Variants in ACTBL2 observed in about 807,000 individuals in gnomAD.
ACTBL2 encodes the protein beta-actin-like protein 2.
ACTBL2 carries 29 observed loss-of-function variants against 23.2 expected under a neutral mutation model. The observed-to-expected ratio is 1.25, with a 90% confidence interval of 0.93 to 1.71. The LOEUF is 1.71. ACTBL2 is among the 40% of genes most tolerant of loss of function. ACTBL2 has a pLI of 0.00. For missense variants in ACTBL2, 524 were observed against 486.2 expected, an observed-to-expected ratio of 1.08 and a Z score of -0.73; for synonymous variants, 173 against 182.1, an observed-to-expected ratio of 0.95 and a Z score of 0.40.
chr5:57,482,215 G>A lies in ACTBL2; in HGVS notation c.493C>T (p.Pro165Ser), dbSNP rs1333661733. The A allele has an allele frequency of 1.2e-5, 20 of 1,614,026 alleles. No individual in the cohort carries two copies. The highest frequency in any genetic ancestry group is 1.6e-5 in the Non-Finnish European group (19 of 1,180,042). The change falls in exon 1 of 1, where the codon CCC becomes TCC. Residue 165 changes from proline (P) to serine (S), a missense_variant. Coordinates refer to ENST00000423391, the MANE Select transcript of ACTBL2 (RefSeq NM_001017992.4). ...GGCAGGGCATAACCTTCATAGATGG[G>A]CACGATGTGAGTGACCCCATCCCCA... ...DSGDGVTHIVPIYEGYALPHA... is the reference protein window; with the variant it reads ...DSGDGVTHIVSIYEGYALPHA...
In ACTBL2 at chr5:57,482,031, T is replaced by C; in HGVS notation, c.677A>G (p.Gln226Arg). ...GGATGCGGCTGCCCTGACCATCTCC[T>C]GCTCAAAGTCCAGGGCTACGTAGCA... Reference protein sequence around the residue: ...KLCYVALDFEQEMVRAAASSS... With the variant: ...KLCYVALDFEREMVRAAASSS... The change falls in exon 1 of 1, where the codon CAG becomes CGG. Residue 226 changes from glutamine to arginine, a missense_variant. Coordinates refer to ENST00000423391, the MANE Select transcript of ACTBL2 (RefSeq NM_001017992.4). The C allele has an allele frequency of 6.2e-7, 1 of 1,614,004 alleles. No individual in the cohort carries two copies. The highest frequency in any genetic ancestry group is 1.3e-5 in the African/African-American group (1 of 75,002).
At position 57,481,996 on chromosome 5, in the gene ACTBL2, C is replaced by G. The variant is rs1250211202; in HGVS notation, c.712G>C (p.Glu238Gln). 1 of 1,613,996 alleles carries G rather than the reference C, an allele frequency of 6.2e-7. No individual in the cohort carries two copies. The highest frequency in any genetic ancestry group is 1.3e-5 in the African/African-American group (1 of 74,918). The change falls in exon 1 of 1, where the codon GAA becomes CAA. Residue 238 changes from glutamate to glutamine, a missense_variant. Glu to Gln is a conservative substitution (Grantham distance 29). Transcript: ENST00000423391. The part of the protein sequence containing the change: ...MVRAAASSSP[E>Q]RSYELPDGQV... Reference sequence around the variant, plus strand: ...CCATCAGGAAGTTCATAGCTCCGTTCCGGTGAGGAGGATGCGGCTGCCCTG... The same window carrying G: ...CCATCAGGAAGTTCATAGCTCCGTTGCGGTGAGGAGGATGCGGCTGCCCTG...
In ACTBL2 at chr5:57,482,607, G is replaced by A. The variant is rs780737373; in HGVS notation, c.101C>T (p.Ser34Phe). Reference sequence around the variant, plus strand: ...CTGGTGTCGAGGACGCCCTATCATGGAGGGGAACACAGCCCGGGGGGCATC... The same window carrying A: ...CTGGTGTCGAGGACGCCCTATCATGAAGGGGAACACAGCCCGGGGGGCATC... ...GDDAPRAVFP[S>F]MIGRPRHQGV... The change falls in exon 1 of 1, where the codon TCC (serine) becomes TTC (phenylalanine). Residue 34 changes from serine (S) to phenylalanine (F), a missense_variant. Transcript: ENST00000423391. The A allele has an allele frequency of 3.7e-6, 6 of 1,614,084 alleles. No individual in the cohort carries two copies. Among genetic ancestry groups the A allele is most frequent in the East Asian group, 2.2e-5 (1 of 44,854 alleles).
In ACTBL2 at chr5:57,481,991, C is replaced by T; in HGVS notation, c.717G>A (p.Arg239=). Residue 239 remains arginine, a synonymous_variant, in exon 1 of 1, where the codon CGG becomes CGA. Coordinates refer to ENST00000423391, the MANE Select transcript of ACTBL2 (RefSeq NM_001017992.4). ...CCTGCCCATCAGGAAGTTCATAGCT[C>T]CGTTCCGGTGAGGAGGATGCGGCTG... ...VRAAASSSPE[R]SYELPDGQVI... 1.2e-6 allele frequency: 2 copies of T among 1,614,136 alleles called. No individual in the cohort carries two copies. The highest frequency in any genetic ancestry group is 1.7e-6 in the Non-Finnish European group (2 of 1,180,036).
In ACTBL2 at chr5:57,480,509, T is replaced by A. The variant is rs535307691; in HGVS notation, c.*1068A>T. On this transcript the variant is annotated 3_prime_UTR_variant, in exon 1 of 1. Transcript: ENST00000423391. ...GTATCTCAGAGACACTTTGCATAAA[T>A]AAGTATTGCTAGTTACTGGACATAA... The A allele has an allele frequency of 1.3e-5, 2 of 152,260 alleles. No homozygotes were observed. The highest frequency in any genetic ancestry group is 2.9e-5 in the Non-Finnish European group (2 of 67,950). 9.4% of individuals were successfully genotyped at this position (152,260 alleles called of 1,614,324 possible).
In ACTBL2 at chr5:57,482,011, C is replaced by A. The variant is rs762367137; in HGVS notation, c.697G>T (p.Ala233Ser). The change falls in exon 1 of 1, where the codon GCA (alanine) becomes TCA (serine). Residue 233 changes from alanine to serine, a missense_variant. Coordinates refer to ENST00000423391, the MANE Select transcript of ACTBL2 (RefSeq NM_001017992.4). The stretch of plus-strand genomic sequence containing the variant: ...TAGCTCCGTTCCGGTGAGGAGGATG[C>A]GGCTGCCCTGACCATCTCCTGCTCA... Reference protein sequence around the residue: ...DFEQEMVRAAASSSPERSYEL... With the variant: ...DFEQEMVRAASSSSPERSYEL... 11 of 1,613,750 alleles carry A rather than the reference C, an allele frequency of 6.8e-6. No individual in the cohort carries two copies. The highest frequency in any genetic ancestry group is 2.2e-5 in the South Asian group (2 of 91,024).
In ACTBL2 at chr5:57,481,545, G is replaced by C; in HGVS notation, c.*32C>G. The C allele has an allele frequency of 6.3e-7, 1 of 1,590,680 alleles. No homozygotes were observed. Among genetic ancestry groups the C allele is most frequent in the South Asian group, 1.1e-5 (1 of 87,806 alleles). ...ACCATCACTGTGACCTAGGAAAAGGGAAAATGTAAGCCCACTAATATGGAA... is the reference window on the plus strand; with the variant it reads ...ACCATCACTGTGACCTAGGAAAAGGCAAAATGTAAGCCCACTAATATGGAA... On this transcript the variant is annotated 3_prime_UTR_variant, in exon 1 of 1. Transcript: ENST00000423391.
At position 57,482,163 on chromosome 5, in the gene ACTBL2, G is replaced by C. The variant is rs184810267; in HGVS notation, c.545C>G (p.Ala182Gly). Residue 182 changes from alanine to glycine, a missense_variant, in exon 1 of 1, where the codon GCA becomes GGA. Physicochemically the swap from Ala to Gly is moderately conservative, Grantham distance 60 (BLOSUM62 0). Coordinates refer to ENST00000423391, the MANE Select transcript of ACTBL2 (RefSeq NM_001017992.4). ...GAGGTAATCAGTCAGGTCTCTCCCT[G>C]CCAGATCCAGGCGTAGAATGGCATG... ...LPHAILRLDL[A>G]GRDLTDYLMK... 2 of 1,614,084 alleles carry C rather than the reference G, an allele frequency of 1.2e-6. No homozygotes were observed. Among genetic ancestry groups the C allele is most frequent in the South Asian group, 2.2e-5 (2 of 91,038 alleles).
Position 57,481,425 on chromosome 5 carries a change from G to A in ACTBL2, c.*152C>T. 1 of 902,604 alleles carries A rather than the reference G, an allele frequency of 1.1e-6. No homozygotes were observed. Among genetic ancestry groups the A allele is most frequent in the Non-Finnish European group, 1.7e-6 (1 of 604,414 alleles). 55.9% of individuals were successfully genotyped at this position (902,604 alleles called of 1,614,324 possible). Reference sequence around the variant, plus strand: ...ACCGGATGTGGTTATCTGGGTAAGAGCCCAGGTTACTTGGATGGAGAGATG... The same window carrying A: ...ACCGGATGTGGTTATCTGGGTAAGAACCCAGGTTACTTGGATGGAGAGATG... On this transcript the variant is annotated 3_prime_UTR_variant, in exon 1 of 1. Transcript: ENST00000423391.
At position 57,482,369 on chromosome 5, in the gene ACTBL2, G is replaced by T; in HGVS notation, c.339C>A (p.Pro113=). 1 of 1,614,016 alleles carries T rather than the reference G, an allele frequency of 6.2e-7. No individual in the cohort carries two copies. Among genetic ancestry groups the T allele is most frequent in the African/African-American group, 1.3e-5 (1 of 75,010 alleles). Residue 113 remains proline, a synonymous_variant, in exon 1 of 1, where the codon CCC becomes CCA. Transcript: ENST00000423391. ...PILLTEAPLN[P]KINREKMTQI... Reference sequence around the variant, plus strand: ...GAGTCATCTTTTCCCGGTTGATCTTGGGGTTCAGGGGTGCCTCGGTGAGGA... The same window carrying T: ...GAGTCATCTTTTCCCGGTTGATCTTTGGGTTCAGGGGTGCCTCGGTGAGGA...
In ACTBL2 at chr5:57,481,562, A is replaced by T. The variant is rs933045923; in HGVS notation, c.*15T>A. 3.1e-6 allele frequency: 5 copies of T among 1,605,228 alleles called. No individual in the cohort carries two copies. The African/African-American group carries it at 4.0e-5, about 13-fold the overall frequency. ...GGAAAAGGGAAAATGTAAGCCCACT[A>T]ATATGGAAGCCCATTCAGAAACATT... On this transcript the variant is annotated 3_prime_UTR_variant, in exon 1 of 1. Transcript: ENST00000423391.
Position 57,481,743 on chromosome 5 carries a change from G to T in ACTBL2, c.965C>A (p.Ala322Glu), listed in dbSNP as rs1244799149. The change falls in exon 1 of 1, where the codon GCA becomes GAA. Residue 322 changes from alanine to glutamate, a missense_variant. Ala to Glu is a moderately radical substitution (Grantham distance 107). Transcript: ENST00000423391. Reference protein sequence around the residue: ...DRMQKEIITLAPSTMKIKIIA... With the variant: ...DRMQKEIITLEPSTMKIKIIA... ...GATCTTGATTTTCATGGTGCTGGGT[G>T]CCAGGGTTATGATTTCTTTCTGCAT... is the stretch of plus-strand genomic sequence containing the variant. 1 of 1,613,884 alleles carries T rather than the reference G, an allele frequency of 6.2e-7. No homozygotes were observed. Among genetic ancestry groups the T allele is most frequent in the East Asian group, 2.2e-5 (1 of 44,876 alleles).
rs183478178 is a variant in ACTBL2 at position 57,481,945 on chromosome 5, G to T, written c.763C>A (p.Arg255Ser). 8 of 1,614,082 alleles carry T rather than the reference G, an allele frequency of 5.0e-6. No individual in the cohort carries two copies. Among genetic ancestry groups the T allele is most frequent in the Non-Finnish European group, 5.9e-6 (7 of 1,180,000 alleles). Reference protein sequence around the residue: ...DGQVITIGNERFRCPEAIFQP... With the variant: ...DGQVITIGNESFRCPEAIFQP... ...AAAATGGCTTCAGGGCATCGGAAGC[G>T]TTCATTCCCAATGGTGATCACCTGC... The change falls in exon 1 of 1, where the codon CGC becomes AGC. Residue 255 changes from arginine to serine, a missense_variant. Coordinates refer to ENST00000423391, the MANE Select transcript of ACTBL2 (RefSeq NM_001017992.4).
In ACTBL2 at chr5:57,481,821, G is replaced by A. The variant is rs1391883651; in HGVS notation, c.887C>T (p.Ala296Val). Residue 296 changes from alanine to valine, a missense_variant, in exon 1 of 1, where the codon GCC becomes GTC. Transcript: ENST00000423391. The part of the protein sequence containing the change: ...CDVDIRKDLY[A>V]NTVLSGGSTM... Reference sequence around the variant, plus strand: ...GCTCCCTCCAGATAACACGGTGTTGGCATAGAGATCCTTGCGAATATCCAC... The same window carrying A: ...GCTCCCTCCAGATAACACGGTGTTGACATAGAGATCCTTGCGAATATCCAC... The A allele has an allele frequency of 1.2e-5, 19 of 1,613,932 alleles. No individual in the cohort carries two copies. Among genetic ancestry groups the A allele is most frequent in the South Asian group, 5.5e-5 (5 of 91,042 alleles).
At position 57,480,824 on chromosome 5, in the gene ACTBL2, G is replaced by A. The variant is rs1745139509; in HGVS notation, c.*753C>T. The A allele has an allele frequency of 1.3e-5, 2 of 152,076 alleles. No homozygotes were observed. The highest frequency in any genetic ancestry group is 2.9e-5 in the Non-Finnish European group (2 of 67,984). The allele number at this position is 152,076 out of a possible 1,614,324, so 9.4% of individuals were successfully genotyped here. On this transcript the variant is annotated 3_prime_UTR_variant, in exon 1 of 1. Coordinates refer to ENST00000423391, the MANE Select transcript of ACTBL2 (RefSeq NM_001017992.4). Reference sequence around the variant, plus strand: ...ATTGTCTGTAGTTTTGGTATGAGAAGGTTCAGTAAGAAAGATATTAAAATA... The same window carrying A: ...ATTGTCTGTAGTTTTGGTATGAGAAAGTTCAGTAAGAAAGATATTAAAATA...
Position 57,482,307 on chromosome 5 carries a change from T to C in ACTBL2, c.401A>G (p.Tyr134Cys). The change falls in exon 1 of 1, where the codon TAT (tyrosine) becomes TGT (cysteine). Residue 134 changes from tyrosine to cysteine, a missense_variant. Tyr to Cys is a radical substitution (Grantham distance 194). Transcript: ENST00000423391. ...GGACAGCACAGCCTGGATGGCGACA[T>C]ACATGGCTGGTGTGTTGAAAGCCTC... ...MFEAFNTPAMYVAIQAVLSLY... is the reference protein window; with the variant it reads ...MFEAFNTPAMCVAIQAVLSLY... 6.2e-7 allele frequency: 1 copy of C among 1,614,040 alleles called. No individual in the cohort carries two copies. The highest frequency in any genetic ancestry group is 8.5e-7 in the Non-Finnish European group (1 of 1,180,010).
rs149395843 is a variant in ACTBL2 at position 57,482,118 on chromosome 5, C to T, written c.590G>A (p.Arg197Gln). The stretch of plus-strand genomic sequence containing the variant: ...AGCAGTGGTGGTGAAGTTATAGCCT[C>T]GCTCTGTCAGGATCTTCATGAGGTA... The part of the protein sequence containing the change: ...TDYLMKILTE[R>Q]GYNFTTTAER... The change falls in exon 1 of 1, where the codon CGA becomes CAA. Residue 197 changes from arginine (R) to glutamine (Q), a missense_variant. Physicochemically the swap from Arg to Gln is conservative, Grantham distance 43. Transcript: ENST00000423391. 4.2e-4 allele frequency: 680 copies of T among 1,614,100 alleles called. 3 individuals are homozygous for T. The African/African-American group carries it at 8.1e-3, about 19-fold the overall frequency.
In ACTBL2 at chr5:57,481,713, G is replaced by T; in HGVS notation, c.995C>A (p.Ala332Asp). 1.2e-6 allele frequency: 2 copies of T among 1,613,938 alleles called. No individual in the cohort carries two copies. Among genetic ancestry groups the T allele is most frequent in the Non-Finnish European group, 1.7e-6 (2 of 1,179,978 alleles). The change falls in exon 1 of 1, where the codon GCT (alanine) becomes GAT (aspartate). Residue 332 changes from alanine (A) to aspartate (D), a missense_variant. Physicochemically the swap from Ala to Asp is moderately radical, Grantham distance 126. Coordinates refer to ENST00000423391, the MANE Select transcript of ACTBL2 (RefSeq NM_001017992.4). ...APSTMKIKII[A>D]PPERKYSVWI... ...AACAGAATACTTCCGCTCTGGGGGA[G>T]CTATGATCTTGATTTTCATGGTGCT...
chr5:57,482,480 C>T lies in ACTBL2; in HGVS notation c.228G>A (p.Val76=). ...TTTCCATATCGTCCCAGTTGGTGAC[C>T]ACTCCATGCTCGATAGGATACTTCA... ...LTLKYPIEHG[V]VTNWDDMEKI... is the part of the protein sequence containing the mutation. The change falls in exon 1 of 1, where the codon GTG becomes GTA. Residue 76 remains valine (V), a synonymous_variant. Coordinates refer to ENST00000423391, the MANE Select transcript of ACTBL2 (RefSeq NM_001017992.4). 1 of 1,614,066 alleles carries T rather than the reference C, an allele frequency of 6.2e-7. No homozygotes were observed. The highest frequency in any genetic ancestry group is 8.5e-7 in the Non-Finnish European group (1 of 1,180,028).
Sources: gnomAD v4.1 joint callset for allele counts on GRCh38, gnomAD v4.1.1 for gene constraint, MANE v1.5 for transcripts, NCBI Gene and HGNC (gene_info 2026-07-23, HGNC 2026-07-21) for gene names.